SPRN: variants seen among roughly 807,000 people sequenced by gnomAD.
The protein encoded by SPRN is hypothetical protein BC004409.
For synonymous variants in SPRN, 182 were observed against 123.4 expected, an observed-to-expected ratio of 1.48 and a Z score of -3.15; for missense variants, 312 against 241.4, an observed-to-expected ratio of 1.29 and a Z score of -1.94.
At position 133,423,134 on chromosome 10, in the gene SPRN, G is replaced by C; in HGVS notation, c.*92C>G. On this transcript the variant is annotated 3_prime_UTR_variant, in exon 2 of 2. Coordinates refer to ENST00000685335, the MANE Select transcript of SPRN (RefSeq NM_001391974.1). ...CTGCACCCAGTGGGGCTCCAAGACC[G>C]TGGGCAAGGGAGGAAGGGGGAGCCC... 1 of 1,258,868 alleles carries C rather than the reference G, an allele frequency of 7.9e-7. No individual in the cohort carries two copies. The highest frequency in any genetic ancestry group is 1.0e-6 in the Non-Finnish European group (1 of 954,430). 78.0% of individuals were successfully genotyped at this position (1,258,868 alleles called of 1,614,324 possible). A position where few individuals can be genotyped will look rare whatever the true frequency, so the allele number is the denominator to read the frequency against.
rs1258177931 is a variant in SPRN at position 133,423,469 on chromosome 10, CGCCCCGGCGGCA to C, written c.201_212del (p.Ala79_Gly82del). On this transcript the variant is annotated inframe_deletion, in exon 2 of 2. Transcript: ENST00000685335. ...CCGCTCCCGCCGCCGCCCCGGCTGCCGCCCCGGCGGCAGCCACGCGCAGGGAGGAGCCCGGGG... is the reference window on the plus strand; with the variant it reads ...CCGCTCCCGCCGCCGCCCCGGCTGCCGCCACGCGCAGGGAGGAGCCCGGGG... 4.3e-6 allele frequency: 5 copies of C among 1,166,664 alleles called. No individual in the cohort carries two copies. The African/African-American group carries it at 6.5e-5, about 15-fold the overall frequency. 72.3% of individuals were successfully genotyped at this position (1,166,664 alleles called of 1,614,324 possible).
chr10:133,423,124 C>T lies in SPRN; in HGVS notation c.*102G>A. 1 of 1,201,570 alleles carries T rather than the reference C, an allele frequency of 8.3e-7. No individual in the cohort carries two copies. Among genetic ancestry groups the T allele is most frequent in the Non-Finnish European group, 1.1e-6 (1 of 899,054 alleles). The allele number at this position is 1,201,570 out of a possible 1,614,324, so 74.4% of individuals were successfully genotyped here. ...CCAGCAGCTCCTGCACCCAGTGGGG[C>T]TCCAAGACCGTGGGCAAGGGAGGAA... On this transcript the variant is annotated 3_prime_UTR_variant, in exon 2 of 2. Coordinates refer to ENST00000685335, the MANE Select transcript of SPRN (RefSeq NM_001391974.1).
chr10:133,420,707 G>C lies in SPRN; in HGVS notation c.*2519C>G, dbSNP rs1435254576. The C allele has an allele frequency of 6.5e-6, 1 of 152,824 alleles. No individual in the cohort carries two copies. Among genetic ancestry groups the C allele is most frequent in the Non-Finnish European group, 1.5e-5 (1 of 68,510 alleles). 9.5% of individuals were successfully genotyped at this position (152,824 alleles called of 1,614,324 possible). On this transcript the variant is annotated 3_prime_UTR_variant, in exon 2 of 2. Coordinates refer to ENST00000685335, the MANE Select transcript of SPRN (RefSeq NM_001391974.1). ...TATTTCACACTTACAGGCACACACA[G>C]ACACAGACCAGAGACTCCCAGCAGC...
At position 133,423,631 on chromosome 10, in the gene SPRN, G is replaced by C. The variant is rs1850303865; in HGVS notation, c.51C>G (p.Phe17Leu). The C allele has an allele frequency of 6.4e-7, 1 of 1,570,840 alleles. No individual in the cohort carries two copies. The highest frequency in any genetic ancestry group is 1.4e-5 in the African/African-American group (1 of 73,004). ...CCTTGGCTGCGCCGCTGTCGCAGAG[G>C]AAGGCGGCCGCCAGTAGCAGAGCCC... ...TCWALLLAAA[F>L]LCDSGAAKGG... Residue 17 changes from phenylalanine to leucine, a missense_variant, in exon 2 of 2, where the codon TTC becomes TTG. By Grantham distance (22) the Phe-to-Leu change is conservative. Coordinates refer to ENST00000685335, the MANE Select transcript of SPRN (RefSeq NM_001391974.1).
chr10:133,424,008 G>C (rs1205033288), intron 1 of SPRN, among the ~76,000 whole-genome samples: 2 of 143,144 alleles, frequency 1.4e-5, no homozygotes, highest in Non-Finnish European at 3.1e-5. Context: ...AGGCCCGGGC[G>C]GGGGAGCAAG....
Position 133,423,438 on chromosome 10 carries a change from C to T in SPRN, c.244G>A (p.Gly82Ser). ...AAGAAAGAAA[G>S]LAAGSGWRRA... ...CTCCAGCCCGAGCCCGCCGCCAGGCCCGCGGCCGCTCCCGCCGCCGCCCCG... is the reference window on the plus strand; with the variant it reads ...CTCCAGCCCGAGCCCGCCGCCAGGCTCGCGGCCGCTCCCGCCGCCGCCCCG... The change falls in exon 2 of 2, where the codon GGC (glycine) becomes AGC (serine). Residue 82 changes from glycine to serine, a missense_variant. Transcript: ENST00000685335. The T allele has an allele frequency of 7.8e-7, 1 of 1,278,142 alleles. No individual in the cohort carries two copies. Among genetic ancestry groups the T allele is most frequent in the Non-Finnish European group, 9.8e-7 (1 of 1,015,932 alleles). The allele number at this position is 1,278,142 out of a possible 1,614,324, so 79.2% of individuals were successfully genotyped here. A position where few individuals can be genotyped will look rare whatever the true frequency, so the allele number is the denominator to read the frequency against.
rs1323367603 is a variant in SPRN, at chr10:133,423,597, C to T, written c.85G>A (p.Gly29Arg). 4.0e-6 allele frequency: 6 copies of T among 1,503,472 alleles called. No individual in the cohort carries two copies. The highest frequency in any genetic ancestry group is 4.2e-5 in the Admixed American group (2 of 47,608). The allele number at this position is 1,503,472 out of a possible 1,614,324, so 93.1% of individuals were successfully genotyped here. A position where few individuals can be genotyped will look rare whatever the true frequency, so the allele number is the denominator to read the frequency against. ...CDSGAAKGGR[G>R]GARGSARGGV... ...CCCCGGGCACTGCCCCGCGCACCTCCGCGGCCGCCCTTGGCTGCGCCGCTG... is the reference window on the plus strand; with the variant it reads ...CCCCGGGCACTGCCCCGCGCACCTCTGCGGCCGCCCTTGGCTGCGCCGCTG... The change falls in exon 2 of 2, where the codon GGA becomes AGA. Residue 29 changes from glycine to arginine, a missense_variant. Gly to Arg is a moderately radical substitution (Grantham distance 125, BLOSUM62 -2). Coordinates refer to ENST00000685335, the MANE Select transcript of SPRN (RefSeq NM_001391974.1).
rs1352043135 is a variant in SPRN, at chr10:133,423,209, C to T, written c.*17G>A. Reference sequence around the variant, plus strand: ...CGCGGGCCGGGGGCCAGATGTGGTCCCCGAGCCCAGCCAGGCCTAGGGCCG... The same window carrying T: ...CGCGGGCCGGGGGCCAGATGTGGTCTCCGAGCCCAGCCAGGCCTAGGGCCG... On this transcript the variant is annotated 3_prime_UTR_variant, in exon 2 of 2. Coordinates refer to ENST00000685335, the MANE Select transcript of SPRN (RefSeq NM_001391974.1). 2 of 1,406,236 alleles carry T rather than the reference C, an allele frequency of 1.4e-6. No individual in the cohort carries two copies. The highest frequency in any genetic ancestry group is 1.9e-6 in the Non-Finnish European group (2 of 1,079,342). 87.1% of individuals were successfully genotyped at this position (1,406,236 alleles called of 1,614,324 possible).
Position 133,423,211 on chromosome 10 carries a change from C to T in SPRN, c.*15G>A, listed in dbSNP as rs1287380133. On this transcript the variant is annotated 3_prime_UTR_variant, in exon 2 of 2. Transcript: ENST00000685335. ...CGGGCCGGGGGCCAGATGTGGTCCC[C>T]GAGCCCAGCCAGGCCTAGGGCCGCA... is the stretch of plus-strand genomic sequence containing the variant. 39 of 1,406,306 alleles carry T rather than the reference C, an allele frequency of 2.8e-5. No homozygotes were observed. Among genetic ancestry groups the T allele is most frequent in the Non-Finnish European group, 3.5e-5 (38 of 1,079,346 alleles). 87.1% of individuals were successfully genotyped at this position (1,406,306 alleles called of 1,614,324 possible).
Position 133,421,904 on chromosome 10 carries a change from G to GGGT in SPRN, c.*1321_*1322insACC, listed in dbSNP as rs1554893371. On this transcript the variant is annotated 3_prime_UTR_variant, in exon 2 of 2. Coordinates refer to ENST00000685335, the MANE Select transcript of SPRN (RefSeq NM_001391974.1). ...GAGGGTGAGATCCCAAGGCCACGGC[G>GGGT]GGGGGCAGGGAGAACCCCTCCTACC... 7.2e-6 allele frequency: 1 copy of GGGT among 138,186 alleles called. No homozygotes were observed. The highest frequency in any genetic ancestry group is 1.5e-5 in the Non-Finnish European group (1 of 66,106). The allele number at this position is 138,186 out of a possible 1,614,324, so 8.6% of individuals were successfully genotyped here. A position where few individuals can be genotyped will look rare whatever the true frequency, so the allele number is the denominator to read the frequency against.
rs1177242651 is a variant in SPRN at position 133,423,403 on chromosome 10, C to G, written c.279G>C (p.Ala93=). Residue 93 remains alanine (A), a synonymous_variant, in exon 2 of 2, where the codon GCG becomes GCC. Transcript: ENST00000685335. ...LAAGSGWRRA[A]GPGERGLEDE... ...CCTCCAGGCCGCGTTCCCCGGGTCC[C>G]GCGGCCCTTCTCCAGCCCGAGCCCG... is the stretch of plus-strand genomic sequence containing the variant. 9 of 1,485,924 alleles carry G rather than the reference C, an allele frequency of 6.1e-6. No individual in the cohort carries two copies. Among genetic ancestry groups the G allele is most frequent in the Non-Finnish European group, 7.1e-6 (8 of 1,122,452 alleles). The allele number at this position is 1,485,924 out of a possible 1,614,324, so 92.0% of individuals were successfully genotyped here.
Position 133,423,503 on chromosome 10 carries a change from G to A in SPRN, c.179C>T (p.Pro60Leu), listed in dbSNP as rs575339975. The A allele has an allele frequency of 1.7e-5, 20 of 1,170,582 alleles. No homozygotes were observed. The African/African-American group carries it at 2.3e-4, about 13-fold the overall frequency. The allele number at this position is 1,170,582 out of a possible 1,614,324, so 72.5% of individuals were successfully genotyped here. A position where few individuals can be genotyped will look rare whatever the true frequency, so the allele number is the denominator to read the frequency against. The change falls in exon 2 of 2, where the codon CCG becomes CTG. Residue 60 changes from proline (P) to leucine (L), a missense_variant. Physicochemically the swap from Pro to Leu is moderately conservative, Grantham distance 98 (BLOSUM62 -3). Coordinates refer to ENST00000685335, the MANE Select transcript of SPRN (RefSeq NM_001391974.1). ...RVRPAQRYGA[P>L]GSSLRVAAAG... ...GGCAGCCACGCGCAGGGAGGAGCCC[G>A]GGGCACCGTAGCGCTGCGCCGGCCT...
At position 133,422,991 on chromosome 10, in the gene SPRN, C is replaced by T. The variant is rs1850280352; in HGVS notation, c.*235G>A. ...CAGCTGCCTTTTTGGCTGAGGGGAC[C>T]CTAACATCCTGGAGTGGGTGGGGCA... is the stretch of plus-strand genomic sequence containing the variant. On this transcript the variant is annotated 3_prime_UTR_variant, in exon 2 of 2. Transcript: ENST00000685335. 2.3e-6 allele frequency: 1 copy of T among 427,490 alleles called. No individual in the cohort carries two copies. 26.5% of individuals were successfully genotyped at this position (427,490 alleles called of 1,614,324 possible).
In SPRN at chr10:133,423,451, C is replaced by A; in HGVS notation, c.231G>T (p.Ala77=). 8.2e-7 allele frequency: 1 copy of A among 1,223,514 alleles called. No homozygotes were observed. Among genetic ancestry groups the A allele is most frequent in the Middle Eastern group, 3.2e-4 (1 of 3,130 alleles). 75.8% of individuals were successfully genotyped at this position (1,223,514 alleles called of 1,614,324 possible). A position where few individuals can be genotyped will look rare whatever the true frequency, so the allele number is the denominator to read the frequency against. The change falls in exon 2 of 2, where the codon GCG becomes GCT. Residue 77 remains alanine, a synonymous_variant. Transcript: ENST00000685335. ...CCGCCGCCAGGCCCGCGGCCGCTCC[C>A]GCCGCCGCCCCGGCTGCCGCCCCGG... The part of the protein sequence containing the change: ...AAAGAAAGAA[A]GAAAGLAAGS...
In SPRN at chr10:133,421,175, G is replaced by C. The variant is rs958207179; in HGVS notation, c.*2051C>G. The C allele has an allele frequency of 6.6e-6, 1 of 152,622 alleles. No individual in the cohort carries two copies. The highest frequency in any genetic ancestry group is 2.4e-5 in the African/African-American group (1 of 41,432). The allele number at this position is 152,622 out of a possible 1,614,324, so 9.5% of individuals were successfully genotyped here. ...TCTTTGCTGGCTGGCTGCCTCTGCT[G>C]CCCCATACCCCACACACTCATCAGC... On this transcript the variant is annotated 3_prime_UTR_variant, in exon 2 of 2. Transcript: ENST00000685335.
intron 1 of SPRN, among the ~76,000 whole-genome samples, chr10:133,423,975 C>T (rs1850311787): frequency 6.9e-6 from 1 of 145,678 alleles, no homozygotes; most frequent in East Asian, 2.1e-4. Flanking sequence ...GGGGCAGGAG[C>T]GTTCAGGCCT....
Position 133,423,673 on chromosome 10 carries a change from C to T in SPRN, c.9G>A (p.Trp3Ter), listed in dbSNP as rs1339882192. 1.9e-6 allele frequency: 3 copies of T among 1,579,284 alleles called. No homozygotes were observed. Among genetic ancestry groups the T allele is most frequent in the East Asian group, 4.7e-5 (2 of 42,522 alleles). ...GCAGAGCCCAGCACGTTGCGGGTGCCCAGTTCATCTTCGTGGGGCTAAACC... is the reference window on the plus strand; with the variant it reads ...GCAGAGCCCAGCACGTTGCGGGTGCTCAGTTCATCTTCGTGGGGCTAAACC... MN[W>*]APATCWALLL... is the part of the protein sequence containing the mutation. The change falls in exon 2 of 2, where the codon TGG (tryptophan) becomes TGA (stop). Residue 3 changes from tryptophan (W) to a stop codon, truncating the protein, a stop_gained. Coordinates refer to ENST00000685335, the MANE Select transcript of SPRN (RefSeq NM_001391974.1). LOFTEE classifies it low-confidence loss of function (END_TRUNC).
At position 133,422,885 on chromosome 10, in the gene SPRN, G is replaced by T; in HGVS notation, c.*341C>A. ...CCCCTGGGCAGGCGAGGGGAGCCGGGGTGGCTTGGGTTCCTGGCCTTGGCA... is the reference window on the plus strand; with the variant it reads ...CCCCTGGGCAGGCGAGGGGAGCCGGTGTGGCTTGGGTTCCTGGCCTTGGCA... On this transcript the variant is annotated 3_prime_UTR_variant, in exon 2 of 2. Transcript: ENST00000685335. 1 of 228,714 alleles carries T rather than the reference G, an allele frequency of 4.4e-6. No individual in the cohort carries two copies. Among genetic ancestry groups the T allele is most frequent in the East Asian group, 7.8e-5 (1 of 12,802 alleles). The allele number at this position is 228,714 out of a possible 1,614,324, so 14.2% of individuals were successfully genotyped here. A position where few individuals can be genotyped will look rare whatever the true frequency, so the allele number is the denominator to read the frequency against.
rs1850258532 is a variant in SPRN, at chr10:133,422,316, C to A, written c.*910G>T. 1 of 152,382 alleles carries A rather than the reference C, an allele frequency of 6.6e-6. No individual in the cohort carries two copies. The highest frequency in any genetic ancestry group is 1.5e-5 in the Non-Finnish European group (1 of 68,158). 9.4% of individuals were successfully genotyped at this position (152,382 alleles called of 1,614,324 possible). A position where few individuals can be genotyped will look rare whatever the true frequency, so the allele number is the denominator to read the frequency against. The stretch of plus-strand genomic sequence containing the variant: ...CTGCTTCCGAAGAAGGGGCTGCCTT[C>A]AGGGAAATGCGTGCACCGTGCAGCC... On this transcript the variant is annotated 3_prime_UTR_variant, in exon 2 of 2. Transcript: ENST00000685335.
Sources: allele counts gnomAD v4.1 joint callset (sites outside exome capture counted in the v4.1 genomes callset), GRCh38; gene constraint gnomAD v4.1.1; transcripts MANE v1.5; gene names NCBI Gene and HGNC (gene_info 2026-07-23, HGNC 2026-07-21).